HS1BP3: variants seen among roughly 807,000 people sequenced by gnomAD.
HS1BP3 encodes HCLS1-binding protein 3.
HS1BP3 carries 32 observed loss-of-function variants against 33.5 expected under a neutral mutation model. That is an observed-to-expected ratio of 0.95 (90% confidence interval 0.72 to 1.28). HS1BP3 has a LOEUF of 1.28. Among genes scored for constraint, HS1BP3 ranks in the 50% most tolerant of loss-of-function variants. The pLI, the probability that HS1BP3 is intolerant of heterozygous loss-of-function variation, is 0.00. For synonymous variants in HS1BP3, 187 were observed against 209.2 expected (o/e 0.89, Z 0.92); for missense variants, 486 against 502.3 (o/e 0.97, Z 0.31).
chr2:20,622,510 C>T (rs1694638447), intron 6 of HS1BP3: 5 of 364,200 alleles, frequency 1.4e-5, no homozygotes, highest in East Asian at 7.3e-5. Flanking sequence ...TGCTGGCCCG[C>T]GCACTACGAG....
intron 5 of HS1BP3, among the ~76,000 whole-genome samples, chr2:20,563,318 C>T (rs770793318): frequency 3.3e-5 from 5 of 152,238 alleles, no homozygotes; most frequent in Non-Finnish European, 4.4e-5. Flanking sequence ...GAGGGAAGGG[C>T]CACAGGCCCT....
chr2:20,608,075 T>G lies in HS1BP3; in HGVS notation c.179-9810A>C, dbSNP rs866059181. Among the ~76,000 whole-genome samples the G allele has an allele frequency of 2.1e-4, 32 of 152,344 alleles. No individual in the cohort carries two copies. In the South Asian group the frequency reaches 4.1e-3, roughly 20 times the overall value. ...AGTGTGTATAGAAATATAACTAATTTTGTGTTAATATTGTATCCTTCAACT... is the reference window on the plus strand; with the variant it reads ...AGTGTGTATAGAAATATAACTAATTGTGTGTTAATATTGTATCCTTCAACT... On this transcript the variant is annotated intron_variant, in intron 2 of 3. Coordinates refer to the HS1BP3 transcript ENST00000415264.
At chr2:20,615,260 A>G (rs1694399954), downstream of HS1BP3, among the ~76,000 whole-genome samples, 1 of 152,244 alleles carries the variant, frequency 6.6e-6, no homozygotes, top group Admixed American at 6.5e-5. Context: ...CACACAGCCA[A>G]GCTGGACTGG....
downstream of HS1BP3, chr2:20,591,012 G>T (rs1693799241): frequency 6.0e-6 from 1 of 167,184 alleles, no homozygotes; most frequent in African/African-American, 2.4e-5. Context: ...CCATGCTGTG[G>T]CAGGAGCGCC....
chr2:20,604,631 G>A (rs1694135900), intron 2 of HS1BP3, among the ~76,000 whole-genome samples: 1 of 152,228 alleles, frequency 6.6e-6, no homozygotes, highest in Non-Finnish European at 1.5e-5. Flanking sequence ...CCTTTTTATA[G>A]ATGAGAGCAC....
At chr2:20,647,746 C>T (rs1055326379) in intron 1 of HS1BP3, among the ~76,000 whole-genome samples, 3 of 152,126 alleles carry the variant, frequency 2.0e-5, no homozygotes, top group East Asian at 1.9e-4. Flanking sequence ...GCAGCTGCTA[C>T]GGAGAGTACA....
intron 4 of HS1BP3, among the ~76,000 whole-genome samples, chr2:20,629,495 T>A (rs995203514): frequency 1.3e-5 from 2 of 152,152 alleles, no homozygotes; most frequent in African/African-American, 2.4e-5. Flanking sequence ...TAGAATCTTG[T>A]CACCAGGGAT....
At chr2:20,583,799 A>G (rs1443208613) in intron 5 of HS1BP3, among the ~76,000 whole-genome samples, 2 of 152,148 alleles carry the variant, frequency 1.3e-5, no homozygotes, top group African/African-American at 4.8e-5. Flanking sequence ...CGGTCCTGCC[A>G]GTGCTCAGTG....
intron 4 of HS1BP3, among the ~76,000 whole-genome samples, chr2:20,627,406 G>A (rs536568381): frequency 4.6e-5 from 7 of 152,346 alleles, no homozygotes; most frequent in African/African-American, 1.2e-4. Context: ...ATCAGAGGGC[G>A]CAGAGAGGGA....
intron 5 of HS1BP3, among the ~76,000 whole-genome samples, chr2:20,584,247 G>A (rs1198705524): frequency 6.6e-6 from 1 of 152,202 alleles, no homozygotes; most frequent in Non-Finnish European, 1.5e-5. Flanking sequence ...GGGGAGGCCA[G>A]TAGGCCATGG....
intron 5 of HS1BP3, among the ~76,000 whole-genome samples, chr2:20,583,089 T>C (rs1279356545): frequency 6.6e-6 from 1 of 152,186 alleles, no homozygotes; most frequent in Non-Finnish European, 1.5e-5. Flanking sequence ...TCTGCTCAGG[T>C]CCTGAGCAAG....
At chr2:20,578,335 C>T (rs920921854) in intron 5 of HS1BP3, among the ~76,000 whole-genome samples, 1 of 152,188 alleles carries the variant, frequency 6.6e-6, no homozygotes, top group African/African-American at 2.4e-5. Context: ...AGGGCAGAGC[C>T]CCACACCTAT....
chr2:20,635,623 T>C (rs1695099619), intron 4 of HS1BP3: 1 of 152,136 alleles, frequency 6.6e-6, no homozygotes, highest in Non-Finnish European at 1.5e-5. Flanking sequence ...CGTGACATTC[T>C]AAAATAGAAA....
chr2:20,558,094 T>G (rs1022737251), downstream of HS1BP3, among the ~76,000 whole-genome samples: 1 of 152,238 alleles, frequency 6.6e-6, no homozygotes, highest in Non-Finnish European at 1.5e-5. Context: ...TGCGTCTGTA[T>G]CCATGTGATT....
chr2:20,568,386 G>A (rs1252620202), intron 5 of HS1BP3, among the ~76,000 whole-genome samples: 3 of 152,152 alleles, frequency 2.0e-5, no homozygotes, highest in Non-Finnish European at 4.4e-5. Flanking sequence ...GCACGTGGTG[G>A]GGGTTCCTAG....
intron 2 of HS1BP3, among the ~76,000 whole-genome samples, chr2:20,642,995 C>A (rs1022168576): frequency 6.6e-6 from 1 of 152,236 alleles, no homozygotes; most frequent in Non-Finnish European, 1.5e-5. Context: ...AATCAGTACA[C>A]GTTTATATTA....
chr2:20,638,367 G>C (rs769910068), intron 4 of HS1BP3, 69 bp downstream of exon 4: 9 of 1,448,312 alleles, frequency 6.2e-6, no homozygotes, highest in Non-Finnish European at 8.5e-6. Flanking sequence ...AGATTCCAGG[G>C]AAGGGGGACG....
chr2:20,572,993 T>A (rs1408947891), intron 5 of HS1BP3, among the ~76,000 whole-genome samples: 2 of 152,154 alleles, frequency 1.3e-5, no homozygotes, highest in Non-Finnish European at 2.9e-5. Context: ...ATAGAGAATG[T>A]GGTAGGCAGA....
intron 5 of HS1BP3, among the ~76,000 whole-genome samples, chr2:20,567,540 AG>A (rs11304374): frequency 1 from 152,219 of 152,220 alleles, 76,109 homozygotes; most frequent in Non-Finnish European, 1. Flanking sequence ...AGCCAAACAA[AG>A]GGGGTCTGCG....
Sources: gnomAD v4.1 joint callset for allele counts (sites outside exome capture counted in the v4.1 genomes callset) on GRCh38, gnomAD v4.1.1 for gene constraint, MANE v1.5 for transcripts, NCBI Gene and HGNC (gene_info 2026-07-23, HGNC 2026-07-21) for gene names.